The following ARHGEF11 variants were observed in gnomAD, a reference collection of about 807,000 sequenced individuals.
ARHGEF11 encodes Rho guanine exchange factor (GEF) 11.
ARHGEF11 carries 55 observed loss-of-function variants against 193.7 expected under a neutral mutation model. The ratio of observed to expected loss-of-function variants is 0.28; its 90% CI spans 0.23 to 0.36. The LOEUF (loss-of-function observed/expected upper bound fraction) is 0.36. Ranked by LOEUF, ARHGEF11 falls within the 10% of genes least tolerant of loss-of-function variation. ARHGEF11 has a pLI of 1.00. For missense variants in ARHGEF11, 1,723 were observed against 2,005.6 expected (o/e 0.86, Z 2.69); for synonymous variants, 693 against 768.0 (o/e 0.90, Z 1.62).
chr1:156,971,736 C>G lies in ARHGEF11; in HGVS notation c.663G>C (p.Gln221His), dbSNP rs998988153. 3.7e-6 allele frequency: 6 copies of G among 1,614,058 alleles called. No individual in the cohort carries two copies. Among genetic ancestry groups the G allele is most frequent in the Non-Finnish European group, 5.1e-6 (6 of 1,180,020 alleles). ...TCTCCTGCTGGATCTTCAGCTGTAA[C>G]TGAGTGACTCGCCGCCGGGCACCTT... is the stretch of plus-strand genomic sequence containing the variant. ...QIEGARRRVT[Q>H]LQLKIQQETG... The change falls in exon 8 of 41, where the codon CAG becomes CAC. Residue 221 changes from glutamine to histidine, a missense_variant. Physicochemically the swap from Gln to His is conservative, Grantham distance 24. This residue lies in a region of ARHGEF11 where 646 missense variants were observed against 710.7 expected (regional missense o/e 0.91). Transcript: ENST00000368194.
chr1:156,962,272 T>C (rs1033981122), intron 13 of ARHGEF11, among the ~76,000 whole-genome samples: 1 of 152,284 alleles, frequency 6.6e-6, no homozygotes, highest in South Asian at 2.1e-4. Flanking sequence ...GGCTGTTCAT[T>C]CTGGCTTCTG....
chr1:156,935,965 G>A lies in ARHGEF11; in HGVS notation c.*35C>T, dbSNP rs1654964403. On this transcript the variant is annotated 3_prime_UTR_variant, in exon 41 of 41. Transcript: ENST00000368194. Reference sequence around the variant, plus strand: ...GGTCTCAGGCCAGTCCCTGAAGGAGGAGTGGGGACGCAGAGGATTTGGTGG... The same window carrying A: ...GGTCTCAGGCCAGTCCCTGAAGGAGAAGTGGGGACGCAGAGGATTTGGTGG... 6.3e-7 allele frequency: 1 copy of A among 1,597,644 alleles called. No homozygotes were observed. The highest frequency in any genetic ancestry group is 8.5e-7 in the Non-Finnish European group (1 of 1,169,910).
At chr1:156,962,311 G>A (rs1206054988) in intron 13 of ARHGEF11, among the ~76,000 whole-genome samples, 2 of 152,144 alleles carry the variant, frequency 1.3e-5, no homozygotes, top group Non-Finnish European at 2.9e-5. Context: ...CAAAACAGCA[G>A]CCCATGCCCC....
chr1:157,007,967 C>T (rs1373782670), intron 1 of ARHGEF11, among the ~76,000 whole-genome samples: 1 of 117,752 alleles, frequency 8.5e-6, no homozygotes, highest in Non-Finnish European at 1.7e-5. Context: ...TGTTTACAAA[C>T]AGTTCAGTTC....
intron 11 of ARHGEF11, among the ~76,000 whole-genome samples, chr1:156,964,075 C>G (rs140080685): frequency 1.3e-5 from 2 of 152,158 alleles, no homozygotes; most frequent in Non-Finnish European, 2.9e-5. Flanking sequence ...AAATAATGAT[C>G]GGAGAGCCTA....
At chr1:156,972,368 C>G (rs1304361547) in intron 7 of ARHGEF11, among the ~76,000 whole-genome samples, 1 of 152,216 alleles carries the variant, frequency 6.6e-6, no homozygotes, top group African/African-American at 2.4e-5. Flanking sequence ...GGCACCTCCA[C>G]TTACTAGCTG....
At chr1:157,042,403 T>C (rs1571636377) in intron 1 of ARHGEF11, among the ~76,000 whole-genome samples, 1 of 152,070 alleles carries the variant, frequency 6.6e-6, no homozygotes, top group African/African-American at 2.4e-5. Context: ...GAAGCCTAGT[T>C]AGACATGATG....
intron 1 of ARHGEF11, among the ~76,000 whole-genome samples, chr1:156,999,227 T>C (rs540155910): frequency 9.9e-5 from 15 of 152,280 alleles, no homozygotes; most frequent in Non-Finnish European, 1.9e-4. Context: ...GAGATAACAG[T>C]GTTATTTTCC....
chr1:156,948,491 A>T lies in ARHGEF11; in HGVS notation c.1933T>A (p.Ser645Thr), dbSNP rs1332964613. 1 of 1,614,146 alleles carries T rather than the reference A, an allele frequency of 6.2e-7. No individual in the cohort carries two copies. Among genetic ancestry groups the T allele is most frequent in the East Asian group, 2.2e-5 (1 of 44,870 alleles). The change falls in exon 23 of 41, where the codon TCA becomes ACA. Residue 645 changes from serine to threonine, a missense_variant. Coordinates refer to ENST00000368194, the MANE Select transcript of ARHGEF11 (RefSeq NM_198236.3). The surrounding 1 kb of genome is among the most constrained non-coding windows in gnomAD (Gnocchi z 4.2). ...EDLLESDSSR[S>T]EIRLGRSESL... ...TCAGAGCGGCCCAGGCGAATCTCTG[A>T]GCGTGAACTGGGGGGAAGGGACAAA...
In ARHGEF11 at chr1:156,941,439, G is replaced by A. The variant is rs1656894044; in HGVS notation, c.3453-6C>T. ...CTGAGTCATCCAGTTCTACCCTGAG[G>A]AAGGAAACCAACACAGGATGAGATC... On this transcript the variant is annotated splice_region_variant and splice_polypyrimidine_tract_variant and intron_variant, in intron 34 of 40. Transcript: ENST00000368194. 1 of 1,613,560 alleles carries A rather than the reference G, an allele frequency of 6.2e-7. No homozygotes were observed. The highest frequency in any genetic ancestry group is 1.7e-5 in the Admixed American group (1 of 60,002).
At chr1:156,945,973 C>A in intron 29 of ARHGEF11, 72 bp downstream of exon 29, 1 of 1,275,914 alleles carries the variant, frequency 7.8e-7, no homozygotes, top group Middle Eastern at 2.5e-4. Context: ...GCTAAGGTCA[C>A]AAAGCAGTGT....
chr1:156,938,612 A>G, intron 37 of ARHGEF11, 99 bp from the exon 38 acceptor site: 1 of 1,101,838 alleles, frequency 9.1e-7, no homozygotes, highest in Non-Finnish European at 1.3e-6. Context: ...AGGTGGGGAC[A>G]GGGGGAGGAG....
rs748270728 is a variant in ARHGEF11 at position 156,948,807 on chromosome 1, G to A, written c.1926-309C>T. On this transcript the variant is annotated intron_variant, in intron 22 of 40. Coordinates refer to ENST00000368194, the MANE Select transcript of ARHGEF11 (RefSeq NM_198236.3). This position sits in a 1 kb window ranked among gnomAD's most constrained non-coding sequence, Gnocchi z 4.2. ...GGGCTAACAGACTCTGAGTTGTAGTGTGTCCAGAGGCCTGAGACACCATGC... is the reference window on the plus strand; with the variant it reads ...GGGCTAACAGACTCTGAGTTGTAGTATGTCCAGAGGCCTGAGACACCATGC... 101 of 985,324 alleles carry A rather than the reference G, an allele frequency of 1.0e-4. No homozygotes were observed. Among genetic ancestry groups the A allele is most frequent in the Non-Finnish European group, 1.2e-4 (96 of 829,944 alleles). 61.0% of individuals were successfully genotyped at this position (985,324 alleles called of 1,614,324 possible). A position where few individuals can be genotyped will look rare whatever the true frequency, so the allele number is the denominator to read the frequency against.
Position 156,945,089 on chromosome 1 carries a change from T to A in ARHGEF11, c.2921A>T (p.Glu974Val). The change falls in exon 30 of 41, where the codon GAG (glutamate) becomes GTG (valine). Residue 974 changes from glutamate (E) to valine (V), a missense_variant. Around this residue, in one of 5 missense-constraint regions of ARHGEF11, gnomAD observed 491 missense variants for 654.5 expected, o/e 0.75. Transcript: ENST00000368194. ...GGCATCCAGGCGTTTCTGGTAGCCC[T>A]CTAAACGGTGGCGGTTCTCTGTTTG... The part of the protein sequence containing the change: ...VKQTENRHRL[E>V]GYQKRLDATA... The A allele has an allele frequency of 6.2e-7, 1 of 1,614,234 alleles. No individual in the cohort carries two copies. The highest frequency in any genetic ancestry group is 8.5e-7 in the Non-Finnish European group (1 of 1,180,046).
At chr1:156,995,010 CTT>C (rs10559382) in intron 1 of ARHGEF11, among the ~76,000 whole-genome samples, 29,588 of 152,058 alleles carry the variant, frequency 0.19, 3,011 homozygotes, top group East Asian at 0.33. Context: ...CTGAGATTAT[CTT>C]TGACATCTCT....
chr1:157,045,101 TC>T lies in ARHGEF11; in HGVS notation c.-772del, dbSNP rs1673185497. ...ACCAAAAAAAAAAATAAAATAAAAA[TC>T]AAAGAACACCTGAAATGCAATGCTT... is the stretch of plus-strand genomic sequence containing the variant. On this transcript the variant is annotated 5_prime_UTR_variant, in exon 1 of 41. Transcript: ENST00000368194. The T allele has an allele frequency of 6.6e-6, 1 of 151,110 alleles. No individual in the cohort carries two copies. Among genetic ancestry groups the T allele is most frequent in the African/African-American group, 2.4e-5 (1 of 40,918 alleles). 9.4% of individuals were successfully genotyped at this position (151,110 alleles called of 1,614,324 possible).
At chr1:156,936,489 A>ATATAT (rs1235714151) in intron 40 of ARHGEF11, among the ~76,000 whole-genome samples, 2 of 77,142 alleles carry the variant, frequency 2.6e-5, no homozygotes, top group African/African-American at 1.2e-4. Context: ...AGAAAAAAAA[A>ATATAT]AAAAAAAAAT....
In ARHGEF11 at chr1:156,935,887, T is replaced by C. The variant is rs1342135687; in HGVS notation, c.*113A>G. On this transcript the variant is annotated 3_prime_UTR_variant, in exon 41 of 41. Coordinates refer to ENST00000368194, the MANE Select transcript of ARHGEF11 (RefSeq NM_198236.3). ...GGCCTTGGCTGGATCCTAGTTTCCC[T>C]AACTGCCTCCTCCACAGGGAGGAGT... 9 of 1,260,938 alleles carry C rather than the reference T, an allele frequency of 7.1e-6. No individual in the cohort carries two copies. The highest frequency in any genetic ancestry group is 9.8e-6 in the Non-Finnish European group (9 of 913,942). The allele number at this position is 1,260,938 out of a possible 1,614,324, so 78.1% of individuals were successfully genotyped here. A position where few individuals can be genotyped will look rare whatever the true frequency, so the allele number is the denominator to read the frequency against.
chr1:156,980,763 C>T (rs144135581), intron 3 of ARHGEF11, among the ~76,000 whole-genome samples: 1 of 134,408 alleles, frequency 7.4e-6, no homozygotes, highest in African/African-American at 2.8e-5. Context: ...CAGGGCCAGG[C>T]TCTGGGAAGA....
Sources: allele counts gnomAD v4.1 joint callset (sites outside exome capture counted in the v4.1 genomes callset), GRCh38; gene constraint gnomAD v4.1.1; regional missense constraint gnomAD v4.1.1; non-coding constraint Gnocchi (gnomAD v3.1); transcripts MANE v1.5; gene names NCBI Gene and HGNC (gene_info 2026-07-23, HGNC 2026-07-21).